Variants in FRMD7 observed in about 807,000 individuals in gnomAD.
FRMD7 encodes the protein FERM domain containing 7.
Under a neutral mutation model 44.1 loss-of-function variants are expected in FRMD7, and 14 were observed. The observed-to-expected ratio is 0.32, with a 90% CI of 0.21 to 0.50. FRMD7 has a LOEUF of 0.50. Among genes scored for constraint, FRMD7 ranks in the 20% least tolerant of loss-of-function variants. The pLI is 0.99. For synonymous variants in FRMD7, 212 were observed against 187.4 expected, an observed-to-expected ratio of 1.13 and a Z score of -1.07; for missense variants, 501 against 522.3, an observed-to-expected ratio of 0.96 and a Z score of 0.40.
chrX:132,124,850 C>T (rs1398626122), intron 1 of FRMD7, among the ~76,000 whole-genome samples: 1 of 111,843 alleles, frequency 8.9e-6, no homozygotes, highest in East Asian at 2.8e-4. Context: ...ACCAATATAG[C>T]AGAGTCTACT....
rs1454210110 is a variant in FRMD7 at position 132,081,453 on chromosome X, G to T, written c.905+910C>A. On this transcript the variant is annotated intron_variant, in intron 9 of 11. Transcript: ENST00000298542. The stretch of plus-strand genomic sequence containing the variant: ...CCTTGACATGCATCCCCTGCCCTGA[G>T]GCCATTATTGCACTACAGCTGCCTG... 8.0e-5 allele frequency among the ~76,000 whole-genome samples: 9 copies of T among 113,008 alleles called. No homozygotes were observed. The Admixed American group carries it at 8.4e-4, about 11-fold the overall frequency.
intron 5 of FRMD7, among the ~76,000 whole-genome samples, chrX:132,089,164 A>G (rs1228643922): frequency 7.1e-5 from 8 of 112,516 alleles, no homozygotes; most frequent in African/African-American, 2.6e-4. Context: ...TCAATGGAAC[A>G]TAAGTGAGAG....
rs1351140807 is a variant in FRMD7 at position 132,128,009 on chromosome X, C to T, written c.-165G>A. 5 of 502,465 alleles carry T rather than the reference C, an allele frequency of 1.0e-5. No homozygotes were observed. Among genetic ancestry groups the T allele is most frequent in the Non-Finnish European group, 3.6e-6 (1 of 276,752 alleles). 41.4% of individuals were successfully genotyped at this position (502,465 alleles called of 1,213,427 possible). ...TCCGTTTGCTTGAAGTAATGCACAC[C>T]CAAGGGCATTTGTGCTGCCAAGTGC... On this transcript the variant is annotated 5_prime_UTR_variant, in exon 1 of 12. Coordinates refer to ENST00000298542, the MANE Select transcript of FRMD7 (RefSeq NM_194277.3).
chrX:132,103,286 G>A (rs933929692), intron 1 of FRMD7, among the ~76,000 whole-genome samples: 8 of 111,622 alleles, frequency 7.2e-5, no homozygotes, highest in Non-Finnish European at 1.5e-4. Context: ...CAAGCTTCCT[G>A]TTTTCTCTTT....
chrX:132,127,218 A>G (rs1929177722), intron 1 of FRMD7, among the ~76,000 whole-genome samples: 1 of 112,446 alleles, frequency 8.9e-6, no homozygotes, highest in Non-Finnish European at 1.9e-5. Flanking sequence ...ATTGTATGCA[A>G]TCATCTTGTA....
intron 1 of FRMD7, among the ~76,000 whole-genome samples, chrX:132,108,454 AG>A (rs1282881205): frequency 2.7e-5 from 3 of 112,075 alleles, no homozygotes; most frequent in Non-Finnish European, 5.6e-5. Context: ...GCTTCTAGCG[AG>A]AATATTCATG....
Position 132,078,649 on chromosome X carries a change from G to A in FRMD7, c.1368C>T (p.His456=). Residue 456 remains histidine (H), a synonymous_variant, in exon 12 of 12, where the codon CAC becomes CAT. Coordinates refer to ENST00000298542, the MANE Select transcript of FRMD7 (RefSeq NM_194277.3). ...TTGTGAGGCCAGAATATATGCTCAT[G>A]TGATTACCAGAAAACTTACAGCTTG... is the stretch of plus-strand genomic sequence containing the variant. ...FQTSCKFSGN[H]MSIYSGLTSK... is the part of the protein sequence containing the mutation. 1 of 1,211,595 alleles carries A rather than the reference G, an allele frequency of 8.3e-7. No homozygotes were observed.
intron 4 of FRMD7, chrX:132,094,405 G>C (rs771658498): frequency 2.8e-6 from 1 of 352,973 alleles, no homozygotes; most frequent in South Asian, 3.6e-5. Flanking sequence ...TGAGAAAGTT[G>C]GCCAATCATC....
intron 1 of FRMD7, among the ~76,000 whole-genome samples, chrX:132,101,453 AAC>A: frequency 8.9e-6 from 1 of 112,088 alleles, no homozygotes; most frequent in South Asian, 3.7e-4. Flanking sequence ...TATGCCTCCA[AAC>A]ACCCTCACTT....
At chrX:132,083,278 G>T (rs1443447567) in intron 8 of FRMD7, among the ~76,000 whole-genome samples, 1 of 111,952 alleles carries the variant, frequency 8.9e-6, no homozygotes, top group African/African-American at 3.2e-5. Flanking sequence ...TAGTGTAACA[G>T]TTAGAAACAC....
chrX:132,085,862 T>A, intron 6 of FRMD7, 58 bp downstream of exon 6: 1 of 1,022,604 alleles, frequency 9.8e-7, no homozygotes. Flanking sequence ...CTTAAGAGTC[T>A]GTCCCCAATT....
At chrX:132,114,547 T>C (rs1002246182) in intron 1 of FRMD7, among the ~76,000 whole-genome samples, 5 of 112,465 alleles carry the variant, frequency 4.4e-5, no homozygotes, top group African/African-American at 1.6e-4. Context: ...TTAGGTTCTA[T>C]TGTTTTTGAA....
Position 132,078,756 on chromosome X carries a change from G to A in FRMD7, c.1261C>T (p.Pro421Ser). The A allele has an allele frequency of 8.3e-7, 1 of 1,210,345 alleles. No homozygotes were observed. Among genetic ancestry groups the A allele is most frequent in the Non-Finnish European group, 1.1e-6 (1 of 894,338 alleles). Residue 421 changes from proline (P) to serine (S), a missense_variant, in exon 12 of 12, where the codon CCT becomes TCT. This residue lies in a region of FRMD7 where 453 missense variants were observed against 452.7 expected (regional missense o/e 1.00). Coordinates refer to ENST00000298542, the MANE Select transcript of FRMD7 (RefSeq NM_194277.3). ...GGATTGGGCTCAGTGTTAAAGACAG[G>A]GTCCATATAAATAAAAGGGAAAGAG... Reference protein sequence around the residue: ...SSSFPFIYMDPVFNTEPNPNP... With the variant: ...SSSFPFIYMDSVFNTEPNPNP...
intron 1 of FRMD7, among the ~76,000 whole-genome samples, chrX:132,102,888 A>G (rs921138194): frequency 6.2e-5 from 7 of 112,289 alleles, no homozygotes; most frequent in African/African-American, 2.3e-4. Context: ...GCAATTACAA[A>G]GCATATGTAG....
At chrX:132,126,307 T>C (rs761375366) in intron 1 of FRMD7, among the ~76,000 whole-genome samples, 1 of 111,933 alleles carries the variant, frequency 8.9e-6, no homozygotes, top group African/African-American at 3.2e-5. Flanking sequence ...CTTTGACACC[T>C]GAATTGCTGG....
chrX:132,100,495 A>C (rs1928468529), intron 2 of FRMD7, 117 bp downstream of exon 2: 2 of 551,872 alleles, frequency 3.6e-6, no homozygotes, highest in African/African-American at 4.5e-5. Flanking sequence ...ATCATGTTGC[A>C]AGGGTGCACA....
chrX:132,103,524 CTATCT>C (rs1928567344), intron 1 of FRMD7, among the ~76,000 whole-genome samples: 1 of 109,871 alleles, frequency 9.1e-6, no homozygotes, highest in Non-Finnish European at 1.9e-5. Flanking sequence ...ATCTATCTAT[CTATCT>C]ATCTCTATAA....
chrX:132,110,752 A>G (rs763747331), intron 1 of FRMD7, among the ~76,000 whole-genome samples: 15 of 112,386 alleles, frequency 1.3e-4, no homozygotes, highest in Admixed American at 6.6e-4. Context: ...CACATATTTG[A>G]ACCCCTCCTT....
intron 1 of FRMD7, among the ~76,000 whole-genome samples, chrX:132,122,318 C>T (rs1188533867): frequency 1.8e-5 from 2 of 112,252 alleles, no homozygotes; most frequent in Non-Finnish European, 3.8e-5. Context: ...TGAAGTCTCA[C>T]ACCTTCAAAT....
Sources: allele counts gnomAD v4.1 joint callset (sites outside exome capture counted in the v4.1 genomes callset), GRCh38; gene constraint gnomAD v4.1.1; regional missense constraint gnomAD v4.1.1; transcripts MANE v1.5; gene names NCBI Gene and HGNC (gene_info 2026-07-23, HGNC 2026-07-21).